The following SUSD4 variants were observed in gnomAD, a reference collection of about 807,000 sequenced individuals.
SUSD4 encodes the protein sushi domain-containing protein 4.
A neutral mutation model predicts 50.5 loss-of-function variants in SUSD4; 41 were observed. The ratio of observed to expected loss-of-function variants is 0.81; its 90% CI spans 0.63 to 1.05. The LOEUF is 1.05. Ranked by LOEUF, SUSD4 falls within the 50% of genes least tolerant of loss-of-function variation. The pLI, the probability that SUSD4 is intolerant of heterozygous loss-of-function variation, is 0.00. For missense variants in SUSD4, 580 were observed against 634.7 expected, an observed-to-expected ratio of 0.91 and a Z score of 0.93; for synonymous variants, 257 against 257.3, an observed-to-expected ratio of 1.00 and a Z score of 0.01.
At chr1:223,267,222 T>C (rs1160839413) in intron 4 of SUSD4, among the ~76,000 whole-genome samples, 57 of 152,238 alleles carry the variant, frequency 3.7e-4, no homozygotes, top group South Asian at 2.1e-4. Flanking sequence ...CAACACAGGG[T>C]ATTTCTTTTT....
chr1:223,269,738 G>A (rs992569689), intron 3 of SUSD4, among the ~76,000 whole-genome samples: 2 of 152,186 alleles, frequency 1.3e-5, no homozygotes, highest in African/African-American at 4.8e-5. Flanking sequence ...AGCATTTTGT[G>A]AATCATAGAA....
Position 223,280,885 on chromosome 1 carries a change from A to G in SUSD4, c.361+11554T>C, listed in dbSNP as rs925028580. On this transcript the variant is annotated intron_variant, in intron 3 of 8. Coordinates refer to ENST00000366878, the MANE Select transcript of SUSD4 (RefSeq NM_017982.4). ...AAAAGAATAGAAATTATAACAAACT[A>G]TCTCTCAGACCACAGTGCAATCAAA... Among the ~76,000 whole-genome samples, 4 of 152,126 alleles carry G rather than the reference A, an allele frequency of 2.6e-5. No homozygotes were observed. In the East Asian group the frequency reaches 7.7e-4, roughly 29 times the overall value.
At chr1:223,338,447 G>A (rs1299870836) in intron 2 of SUSD4, among the ~76,000 whole-genome samples, 1 of 152,196 alleles carries the variant, frequency 6.6e-6, no homozygotes, top group African/African-American at 2.4e-5. Context: ...GTGTCACAGA[G>A]GGCTTTGTGT....
intron 5 of SUSD4, among the ~76,000 whole-genome samples, chr1:223,257,011 T>G (rs557830867): frequency 3.9e-4 from 60 of 152,308 alleles, no homozygotes; most frequent in Admixed American, 1.2e-3. Flanking sequence ...ATAAACTACC[T>G]GCACGGTGCT....
At position 223,229,444 on chromosome 1, in the gene SUSD4, A is replaced by G. The variant is rs1409526573; in HGVS notation, c.725-56T>C. Reference sequence around the variant, plus strand: ...GAACCACAAGCTCACCTTTGTCTGAAGCCCCTAAGACGAAGAATGGCCTAG... The same window carrying G: ...GAACCACAAGCTCACCTTTGTCTGAGGCCCCTAAGACGAAGAATGGCCTAG... On this transcript the variant is annotated intron_variant, in intron 5 of 8. Transcript: ENST00000366878. This position sits in a 1 kb window ranked among gnomAD's most constrained non-coding sequence, Gnocchi z 4.7. 1 of 1,512,196 alleles carries G rather than the reference A, an allele frequency of 6.6e-7. No individual in the cohort carries two copies. 93.7% of individuals were successfully genotyped at this position (1,512,196 alleles called of 1,614,324 possible).
Position 223,292,561 on chromosome 1 carries a change from A to G in SUSD4, c.239T>C (p.Val80Ala), listed in dbSNP as rs973544348. Residue 80 changes from valine to alanine, a missense_variant, in exon 3 of 9, where the codon GTA (valine) becomes GCA (alanine). Val to Ala is a moderately conservative substitution (Grantham distance 64, BLOSUM62 0). Coordinates refer to ENST00000366878, the MANE Select transcript of SUSD4 (RefSeq NM_017982.4). ...PSGGVFFEGS[V>A]ARFHCQDGFK... ...TCCGTCTTGGCAGTGAAATCGGGCTACAGAGCCTTCAAAGAAAACCCCTCC... is the reference window on the plus strand; with the variant it reads ...TCCGTCTTGGCAGTGAAATCGGGCTGCAGAGCCTTCAAAGAAAACCCCTCC... The G allele has an allele frequency of 6.2e-7, 1 of 1,614,146 alleles. No individual in the cohort carries two copies. The highest frequency in any genetic ancestry group is 1.3e-5 in the African/African-American group (1 of 75,054).
intron 5 of SUSD4, among the ~76,000 whole-genome samples, chr1:223,247,926 T>C (rs1661048419): frequency 6.6e-6 from 1 of 152,160 alleles, no homozygotes; most frequent in South Asian, 2.1e-4. Context: ...GCAAATTAAA[T>C]TGTCATGGTA....
upstream of SUSD4, among the ~76,000 whole-genome samples, chr1:223,364,748 C>T (rs1669225188): frequency 6.6e-6 from 1 of 151,930 alleles, no homozygotes; most frequent in African/African-American, 2.4e-5. This position sits in a 1 kb window ranked among gnomAD's most constrained non-coding sequence, Gnocchi z 4.5. Flanking sequence ...GGCGAGTGCG[C>T]GGCCGGCAGC....
At chr1:223,274,366 A>G (rs1423182009) in intron 3 of SUSD4, among the ~76,000 whole-genome samples, 1 of 152,178 alleles carries the variant, frequency 6.6e-6, no homozygotes, top group Non-Finnish European at 1.5e-5. Flanking sequence ...AGGAGGCACC[A>G]CCATGTGGGA....
intron 2 of SUSD4, among the ~76,000 whole-genome samples, chr1:223,322,904 C>G (rs1666662353): frequency 6.6e-6 from 1 of 152,148 alleles, no homozygotes; most frequent in Non-Finnish European, 1.5e-5. Flanking sequence ...CTCCCTGCAG[C>G]CTTTACACAA....
At chr1:223,261,937 G>A (rs531172180) in intron 5 of SUSD4, among the ~76,000 whole-genome samples, 1 of 152,330 alleles carries the variant, frequency 6.6e-6, no homozygotes, top group Admixed American at 6.5e-5. Flanking sequence ...ATTTTACAGA[G>A]GAAGAAATGG....
chr1:223,236,669 C>T (rs955479624), intron 5 of SUSD4, among the ~76,000 whole-genome samples: 2 of 151,608 alleles, frequency 1.3e-5, no homozygotes, highest in African/African-American at 2.4e-5. Context: ...ACTATATTTA[C>T]GTAAGTCTAT....
intron 5 of SUSD4, among the ~76,000 whole-genome samples, chr1:223,244,452 G>C (rs530130875): frequency 1.6e-4 from 24 of 152,168 alleles, no homozygotes; most frequent in Non-Finnish European, 3.2e-4. Context: ...GGCCAGTGCA[G>C]CTGGGGAGCA....
intron 5 of SUSD4, among the ~76,000 whole-genome samples, chr1:223,247,443 G>A (rs574875434): frequency 2.0e-4 from 31 of 152,250 alleles, no homozygotes; most frequent in African/African-American, 6.7e-4. Flanking sequence ...AGGCACTGGC[G>A]GATCAATATT....
chr1:223,325,375 T>G (rs1666815805), intron 2 of SUSD4, among the ~76,000 whole-genome samples: 1 of 152,216 alleles, frequency 6.6e-6, no homozygotes, highest in African/African-American at 2.4e-5. Flanking sequence ...GAAGTTATGG[T>G]AATTCTACCA....
intron 6 of SUSD4, among the ~76,000 whole-genome samples, chr1:223,228,476 C>T (rs1208651881): frequency 6.6e-6 from 1 of 152,172 alleles, no homozygotes; most frequent in Non-Finnish European, 1.5e-5. Context: ...GGCAGCATCC[C>T]CAGCCTGGAA....
intron 2 of SUSD4, among the ~76,000 whole-genome samples, chr1:223,359,312 C>T (rs1230998585): frequency 6.6e-6 from 1 of 152,170 alleles, no homozygotes; most frequent in East Asian, 1.9e-4. Flanking sequence ...ATACTATATT[C>T]CAGATTAAAC....
chr1:223,259,897 G>A (rs1245904378), intron 5 of SUSD4, among the ~76,000 whole-genome samples: 1 of 152,170 alleles, frequency 6.6e-6, no homozygotes, highest in Admixed American at 6.5e-5. Flanking sequence ...AGGGCAGGCT[G>A]CGTCTATACC....
chr1:223,292,331 C>T, intron 3 of SUSD4, 108 bp downstream of exon 3: 1 of 1,218,808 alleles, frequency 8.2e-7, no homozygotes, highest in Non-Finnish European at 1.2e-6. Context: ...TGCAGCCCTG[C>T]ATCAGAGAGA....
Sources: allele counts gnomAD v4.1 joint callset (sites outside exome capture counted in the v4.1 genomes callset), GRCh38; gene constraint gnomAD v4.1.1; non-coding constraint Gnocchi (gnomAD v3.1); transcripts MANE v1.5; gene names NCBI Gene and HGNC (gene_info 2026-07-23, HGNC 2026-07-21).